Variants in PRTG observed in about 807,000 individuals in gnomAD.
The protein encoded by PRTG is protogenin.
Under a neutral mutation model 122.5 loss-of-function variants are expected in PRTG, and 67 were observed. That is an observed-to-expected ratio of 0.55 (90% CI 0.45 to 0.67). The LOEUF (loss-of-function observed/expected upper bound fraction) is 0.67, where lower values mean the gene tolerates loss of function less well. Among genes scored for constraint, PRTG ranks in the 30% least tolerant of loss-of-function variants. PRTG has a pLI of 0.00. For missense variants in PRTG, 1,435 were observed against 1,415.4 expected, an observed-to-expected ratio of 1.01 and a Z score of -0.22; for synonymous variants, 554 against 501.1, an observed-to-expected ratio of 1.11 and a Z score of -1.41.
chr15:55,669,950 A>C (rs2059459106), intron 11 of PRTG, among the ~76,000 whole-genome samples: 1 of 152,220 alleles, frequency 6.6e-6, no homozygotes, highest in African/African-American at 2.4e-5. Context: ...AAATGGATTT[A>C]CCTCAAATAG....
intron 2 of PRTG, among the ~76,000 whole-genome samples, chr15:55,734,196 A>G (rs1381160129): frequency 6.6e-6 from 1 of 152,196 alleles, no homozygotes; most frequent in Non-Finnish European, 1.5e-5. Context: ...ATACCTAACT[A>G]CCACAGGCAG....
Position 55,613,320 on chromosome 15 carries a change from C to T in PRTG, c.*6692G>A, listed in dbSNP as rs139742513. On this transcript the variant is annotated 3_prime_UTR_variant, in exon 20 of 20. Transcript: ENST00000389286. ...CTTCAGACCTAACAAGAAAGGATTA[C>T]TGTTTACACACCTGACTTTTTCAAG... 2 of 152,216 alleles carry T rather than the reference C, an allele frequency of 1.3e-5. No individual in the cohort carries two copies. Among genetic ancestry groups the T allele is most frequent in the East Asian group, 3.9e-4 (2 of 5,184 alleles). 9.4% of individuals were successfully genotyped at this position (152,216 alleles called of 1,614,324 possible).
intron 15 of PRTG, among the ~76,000 whole-genome samples, chr15:55,635,725 TAA>T (rs1420457201): frequency 1.3e-5 from 2 of 152,212 alleles, no homozygotes; most frequent in Non-Finnish European, 2.9e-5. Flanking sequence ...CTGCTTATTT[TAA>T]AACTCATAAG....
chr15:55,671,929 T>C (rs951096582), intron 11 of PRTG, among the ~76,000 whole-genome samples: 3 of 152,222 alleles, frequency 2.0e-5, no homozygotes, highest in Admixed American at 2.0e-4. Flanking sequence ...CGAACTCAAA[T>C]ACAAAGTTAA....
intron 2 of PRTG, among the ~76,000 whole-genome samples, chr15:55,687,850 C>T (rs182758712): frequency 8.1e-4 from 123 of 152,288 alleles, no homozygotes; most frequent in Middle Eastern, 3.4e-3. Context: ...GGACTTTCAT[C>T]GGTTACCTCT....
chr15:55,740,467 C>T lies in PRTG; in HGVS notation c.312G>A (p.Glu104=). 11 of 1,614,190 alleles carry T rather than the reference C, an allele frequency of 6.8e-6. No homozygotes were observed. The highest frequency in any genetic ancestry group is 8.5e-6 in the Non-Finnish European group (10 of 1,180,026). ...YISEVEGRRG[E]QSDEGFYQCL... is the part of the protein sequence containing the mutation. ...ACTGATAAAATCCTTCATCGGACTGCTCTCCTCGCCTGCCTTCCACCTCAC... is the reference window on the plus strand; with the variant it reads ...ACTGATAAAATCCTTCATCGGACTGTTCTCCTCGCCTGCCTTCCACCTCAC... The change falls in exon 2 of 20, where the codon GAG becomes GAA. Residue 104 remains glutamate (E), a synonymous_variant. Coordinates refer to ENST00000389286, the MANE Select transcript of PRTG (RefSeq NM_173814.6).
At chr15:55,691,756 C>A (rs896263526) in intron 2 of PRTG, among the ~76,000 whole-genome samples, 1 of 151,414 alleles carries the variant, frequency 6.6e-6, no homozygotes, top group African/African-American at 2.4e-5. Flanking sequence ...ACTCTGTGTA[C>A]TGGAAGTTCA....
intron 2 of PRTG, among the ~76,000 whole-genome samples, chr15:55,700,681 C>T (rs969339637): frequency 1.3e-5 from 2 of 151,916 alleles, no homozygotes; most frequent in Non-Finnish European, 2.9e-5. Context: ...CTTGGGAGGC[C>T]GGAGTAGGAG....
In PRTG at chr15:55,639,700, T is replaced by C. The variant is rs771685593; in HGVS notation, c.2266A>G (p.Thr756Ala). The change falls in exon 13 of 20, where the codon ACC becomes GCC. Residue 756 changes from threonine (T) to alanine (A), a missense_variant. Thr to Ala is a moderately conservative substitution (Grantham distance 58). Coordinates refer to ENST00000389286, the MANE Select transcript of PRTG (RefSeq NM_173814.6). ...AFTAAQIINY[T>A]IRCNPVGLQN... ...AGGCCAACAGGATTACAGCGGATGG[T>C]GTAGTTAATGATTTGTGCAGCGGTG... 6.2e-7 allele frequency: 1 copy of C among 1,613,444 alleles called. No homozygotes were observed. Among genetic ancestry groups the C allele is most frequent in the Non-Finnish European group, 8.5e-7 (1 of 1,179,976 alleles).
intron 15 of PRTG, among the ~76,000 whole-genome samples, chr15:55,633,163 T>G (rs1173837164): frequency 6.6e-6 from 1 of 152,190 alleles, no homozygotes; most frequent in African/African-American, 2.4e-5. Flanking sequence ...CATAATTTCC[T>G]CCAGTGCTTT....
Position 55,672,584 on chromosome 15 carries a change from A to C in PRTG, c.1902T>G (p.Ile634Met), listed in dbSNP as rs759012709. Residue 634 changes from isoleucine to methionine, a missense_variant, in exon 11 of 20, where the codon ATT (isoleucine) becomes ATG (methionine). Transcript: ENST00000389286. Reference protein sequence around the residue: ...LHLEPLNCTTISVRWQQDVED... With the variant: ...LHLEPLNCTTMSVRWQQDVED... The stretch of plus-strand genomic sequence containing the variant: ...CTACATCTTGCTGCCACCTCACAGA[A>C]ATGGTGGTACAGTTCAGAGGCTCCA... 2.5e-6 allele frequency: 4 copies of C among 1,613,908 alleles called. No homozygotes were observed. Among genetic ancestry groups the C allele is most frequent in the Non-Finnish European group, 3.4e-6 (4 of 1,180,006 alleles).
Position 55,620,972 on chromosome 15 carries a change from G to A in PRTG, c.3094-205C>T, listed in dbSNP as rs568198714. Among the ~76,000 whole-genome samples the A allele has an allele frequency of 3.0e-4, 45 of 152,242 alleles. 1 individual carries two copies. Among genetic ancestry groups the A allele is most frequent in the South Asian group, 2.7e-3 (13 of 4,820 alleles). On this transcript the variant is annotated intron_variant, in intron 18 of 19. Transcript: ENST00000389286. ...TGGTAGTGGGGACTGGGCTTCTAAT[G>A]TACTCATTACCCAAATAGTAAGCAT... is the stretch of plus-strand genomic sequence containing the variant.
Position 55,614,188 on chromosome 15 carries a change from G to A in PRTG, c.*5824C>T, listed in dbSNP as rs1264007204. On this transcript the variant is annotated 3_prime_UTR_variant, in exon 20 of 20. Coordinates refer to ENST00000389286, the MANE Select transcript of PRTG (RefSeq NM_173814.6). Reference sequence around the variant, plus strand: ...GTTCAAAGAGGGCCAGACTTGCGATGATCCAGAAATTAGAAGAAACTAGAG... The same window carrying A: ...GTTCAAAGAGGGCCAGACTTGCGATAATCCAGAAATTAGAAGAAACTAGAG... The A allele has an allele frequency of 6.6e-6, 1 of 152,062 alleles. No homozygotes were observed. Among genetic ancestry groups the A allele is most frequent in the African/African-American group, 2.4e-5 (1 of 41,410 alleles). 9.4% of individuals were successfully genotyped at this position (152,062 alleles called of 1,614,324 possible).
At chr15:55,631,838 G>A (rs1227399736) in intron 15 of PRTG, among the ~76,000 whole-genome samples, 1 of 152,130 alleles carries the variant, frequency 6.6e-6, no homozygotes, top group African/African-American at 2.4e-5. Flanking sequence ...AACTATTATT[G>A]GCAAGTATCT....
At position 55,743,141 on chromosome 15, in the gene PRTG, T is replaced by TG. The variant is rs1425074894; in HGVS notation, c.-211dup. ...GAAGCAAGGGGCCTGAGAGTCCGGC[T>TG]GGGGGCGGAGTGAGGCGGCGGCTGC... On this transcript the variant is annotated 5_prime_UTR_variant, in exon 1 of 20. Coordinates refer to ENST00000389286, the MANE Select transcript of PRTG (RefSeq NM_173814.6). The TG allele has an allele frequency of 1.6e-6, 2 of 1,247,918 alleles. No individual in the cohort carries two copies. The highest frequency in any genetic ancestry group is 1.0e-6 in the Non-Finnish European group (1 of 998,894). The allele number at this position is 1,247,918 out of a possible 1,614,324, so 77.3% of individuals were successfully genotyped here.
At chr15:55,679,748 A>G in intron 6 of PRTG, 1 of 427,510 alleles carries the variant, frequency 2.3e-6, no homozygotes, top group East Asian at 3.9e-5. Flanking sequence ...AGTGGCAATA[A>G]TCAAGAGATT....
intron 2 of PRTG, among the ~76,000 whole-genome samples, chr15:55,699,718 A>G (rs1180791986): frequency 2.0e-5 from 3 of 152,210 alleles, no homozygotes; most frequent in Non-Finnish European, 4.4e-5. Flanking sequence ...CACAATGCCT[A>G]TGACAAAGGA....
chr15:55,694,490 G>C (rs1175922122), intron 2 of PRTG, among the ~76,000 whole-genome samples: 1 of 151,748 alleles, frequency 6.6e-6, no homozygotes, highest in East Asian at 1.9e-4. Flanking sequence ...GAAATTACAA[G>C]AAAAAACTTG....
intron 18 of PRTG, among the ~76,000 whole-genome samples, chr15:55,624,042 G>C (rs551811785): frequency 6.6e-6 from 1 of 152,020 alleles, no homozygotes; most frequent in Admixed American, 6.6e-5. Flanking sequence ...TGGTGTCCTT[G>C]GTTAAAACAA....
Sources: allele counts gnomAD v4.1 joint callset (sites outside exome capture counted in the v4.1 genomes callset), GRCh38; gene constraint gnomAD v4.1.1; transcripts MANE v1.5; gene names NCBI Gene and HGNC (gene_info 2026-07-23, HGNC 2026-07-21).